Variants in ACVR1 observed in about 807,000 individuals in gnomAD.
ACVR1 encodes activin receptor type-1.
A neutral mutation model predicts 57.1 loss-of-function variants in ACVR1; 38 were observed. The ratio of observed to expected loss-of-function variants is 0.67; its 90% CI spans 0.51 to 0.87. The LOEUF is 0.87. Among genes scored for constraint, ACVR1 ranks in the 40% least tolerant of loss-of-function variants. The probability of loss-of-function intolerance (pLI) is 0.00; values close to 1 mark genes in which losing one functional copy is unlikely to be tolerated. For missense variants in ACVR1, 463 were observed against 638.2 expected (o/e 0.73, Z 2.96); for synonymous variants, 212 against 228.1 (o/e 0.93, Z 0.63).
intron 3 of ACVR1, among the ~76,000 whole-genome samples, chr2:157,781,443 C>A (rs1490255632): frequency 1.3e-5 from 2 of 152,190 alleles, no homozygotes; most frequent in African/African-American, 4.8e-5. Context: ...GATGCCTAGA[C>A]TAACTTTTTC....
At chr2:157,872,456 G>A (rs960789818) in intron 1 of ACVR1, among the ~76,000 whole-genome samples, 2 of 152,156 alleles carry the variant, frequency 1.3e-5, no homozygotes, top group Non-Finnish European at 2.9e-5. Context: ...AAAAGTGCTA[G>A]CTTCAGCCCA....
chr2:157,818,974 A>G (rs1251840324), intron 1 of ACVR1, among the ~76,000 whole-genome samples: 1 of 140,072 alleles, frequency 7.1e-6, no homozygotes, highest in East Asian at 2.3e-4. Flanking sequence ...GCTACTTGGG[A>G]GGCTGAGGCA....
At chr2:157,847,017 T>C (rs933732481) in intron 1 of ACVR1, among the ~76,000 whole-genome samples, 9 of 152,222 alleles carry the variant, frequency 5.9e-5, no homozygotes, top group South Asian at 2.1e-4. Context: ...TATGTATGTA[T>C]ATAAGCCCTC....
At chr2:157,866,359 G>A (rs1250540736) in intron 1 of ACVR1, among the ~76,000 whole-genome samples, 2 of 152,092 alleles carry the variant, frequency 1.3e-5, no homozygotes, top group African/African-American at 2.4e-5. Flanking sequence ...GAACCAAGTA[G>A]GAGAAGAGAG....
At chr2:157,798,286 G>A (rs764386095) in intron 3 of ACVR1, among the ~76,000 whole-genome samples, 1 of 151,720 alleles carries the variant, frequency 6.6e-6, no homozygotes, top group African/African-American at 2.4e-5. Flanking sequence ...AAGGGCCAAC[G>A]GTTCTGGTTT....
At chr2:157,844,048 A>G (rs910467295) in intron 1 of ACVR1, among the ~76,000 whole-genome samples, 22 of 152,232 alleles carry the variant, frequency 1.4e-4, no homozygotes, top group Non-Finnish European at 2.9e-4. Flanking sequence ...TAAGCTTCAA[A>G]GAGCAGCTGT....
chr2:157,856,507 T>C (rs1407980768), intron 1 of ACVR1, among the ~76,000 whole-genome samples: 1 of 152,226 alleles, frequency 6.6e-6, no homozygotes, highest in Non-Finnish European at 1.5e-5. Context: ...ATGTGGAGAA[T>C]GTTTAACACA....
intron 1 of ACVR1, among the ~76,000 whole-genome samples, chr2:157,831,942 C>T (rs772242429): frequency 6.6e-6 from 1 of 152,112 alleles, no homozygotes; most frequent in Non-Finnish European, 1.5e-5. Flanking sequence ...TATGAACTAA[C>T]TCAATAAAAC....
chr2:157,736,919 T>C lies in ACVR1; in HGVS notation c.*612A>G, dbSNP rs1684554036. The C allele has an allele frequency of 2.2e-5, 7 of 314,452 alleles. No individual in the cohort carries two copies. The highest frequency in any genetic ancestry group is 1.7e-4 in the East Asian group (4 of 23,138). 19.5% of individuals were successfully genotyped at this position (314,452 alleles called of 1,614,324 possible). On this transcript the variant is annotated 3_prime_UTR_variant, in exon 11 of 11. Coordinates refer to ENST00000434821, the MANE Select transcript of ACVR1 (RefSeq NM_001111067.4). ...AAAGTTGTGTATAAACAATTCCTAA[T>C]GTTCGGCATCATTGTAAACATCAGC...
chr2:157,790,099 C>T (rs1362942998), intron 3 of ACVR1: 1 of 152,172 alleles, frequency 6.6e-6, no homozygotes, highest in Non-Finnish European at 1.5e-5. Context: ...CCAAGATCTT[C>T]CTCAGACCAT....
rs1383193990 is a variant in ACVR1, at chr2:157,799,435, C to T, written c.59G>A (p.Ser20Asn). Residue 20 changes from serine to asparagine, a missense_variant, in exon 3 of 11, where the codon AGT becomes AAT. Transcript: ENST00000434821. ...VLIMIALPSP[S>N]MEDEKPKVNP... Reference sequence around the variant, plus strand: ...AGATGTGAGTCACTTACCTTCCATACTAGGGGAGGGGAGAGCAATCATGAT... The same window carrying T: ...AGATGTGAGTCACTTACCTTCCATATTAGGGGAGGGGAGAGCAATCATGAT... The T allele has an allele frequency of 6.2e-7, 1 of 1,610,276 alleles. No individual in the cohort carries two copies. The highest frequency in any genetic ancestry group is 8.5e-7 in the Non-Finnish European group (1 of 1,177,780).
At chr2:157,853,148 C>T (rs1574149172) in intron 1 of ACVR1, among the ~76,000 whole-genome samples, 1 of 152,266 alleles carries the variant, frequency 6.6e-6, no homozygotes, top group African/African-American at 2.4e-5. Context: ...CTTCCTGTTC[C>T]TAGTTTCACA....
At chr2:157,866,780 G>A (rs560103121) in intron 1 of ACVR1, among the ~76,000 whole-genome samples, 1 of 152,192 alleles carries the variant, frequency 6.6e-6, no homozygotes, top group East Asian at 1.9e-4. Context: ...TCCTCTATTC[G>A]GATAAACATT....
At chr2:157,845,336 T>C (rs1358427182) in intron 1 of ACVR1, among the ~76,000 whole-genome samples, 1 of 152,184 alleles carries the variant, frequency 6.6e-6, no homozygotes, top group Non-Finnish European at 1.5e-5. Context: ...CTGGATTCTG[T>C]AGGTGGTACT....
At chr2:157,857,523 C>T (rs928487141) in intron 1 of ACVR1, among the ~76,000 whole-genome samples, 3 of 152,152 alleles carry the variant, frequency 2.0e-5, no homozygotes, top group African/African-American at 7.2e-5. Flanking sequence ...TCAGCAGGTC[C>T]TCCTTAATAT....
At chr2:157,823,889 A>G (rs1688241776) in intron 1 of ACVR1, among the ~76,000 whole-genome samples, 1 of 152,174 alleles carries the variant, frequency 6.6e-6, no homozygotes, top group Non-Finnish European at 1.5e-5. Flanking sequence ...TGAGTGGGCT[A>G]CAGTAGCATA....
In ACVR1 at chr2:157,837,264, A is replaced by G. The variant is rs145500579; in HGVS notation, c.-182-18705T>C. Among the ~76,000 whole-genome samples the G allele has an allele frequency of 5.1e-3, 774 of 152,326 alleles. 9 individuals are homozygous for G. Among genetic ancestry groups the G allele is most frequent in the Middle Eastern group, 0.02 (6 of 294 alleles). On this transcript the variant is annotated intron_variant, in intron 1 of 10. Coordinates refer to ENST00000434821, the MANE Select transcript of ACVR1 (RefSeq NM_001111067.4). ...AGGGATGCTTTTCTAAATCACTCAA[A>G]CAGCATGTCTTTCTTTCCCTTTGGA...
intron 3 of ACVR1, among the ~76,000 whole-genome samples, chr2:157,797,052 G>A (rs1271634910): frequency 6.6e-6 from 1 of 152,186 alleles, no homozygotes; most frequent in East Asian, 1.9e-4. Context: ...TATCACAGCA[G>A]TAGGAAAAAA....
At chr2:157,752,836 G>A (rs559521319) in intron 9 of ACVR1, among the ~76,000 whole-genome samples, 165 of 152,132 alleles carry the variant, frequency 1.1e-3, no homozygotes, top group Non-Finnish European at 1.8e-3. Flanking sequence ...ATATCAAAAC[G>A]GAACCTCTTT....
Sources: allele counts gnomAD v4.1 joint callset (sites outside exome capture counted in the v4.1 genomes callset), GRCh38; gene constraint gnomAD v4.1.1; transcripts MANE v1.5; gene names NCBI Gene and HGNC (gene_info 2026-07-23, HGNC 2026-07-21).